The following RALGAPA2 variants were observed in gnomAD, a reference collection of about 807,000 sequenced individuals.
RALGAPA2 encodes the protein ral GTPase-activating protein subunit alpha-2.
Under a neutral mutation model 230.4 loss-of-function variants are expected in RALGAPA2, and 139 were observed. That is an observed-to-expected ratio of 0.60 (90% CI 0.53 to 0.69). RALGAPA2 has a LOEUF of 0.69. Ranked by LOEUF, RALGAPA2 falls within the 30% of genes least tolerant of loss-of-function variation. RALGAPA2 has a pLI of 0.00. For missense variants in RALGAPA2, 2,163 were observed against 2,276.0 expected, an observed-to-expected ratio of 0.95 and a Z score of 1.01; for synonymous variants, 847 against 837.8, an observed-to-expected ratio of 1.01 and a Z score of -0.19.
intron 23 of RALGAPA2, among the ~76,000 whole-genome samples, chr20:20,560,098 G>A (rs1020607111): frequency 1.3e-5 from 2 of 152,134 alleles, no homozygotes; most frequent in African/African-American, 4.8e-5. Context: ...GGAAGGGAAA[G>A]CTACTCATAG....
rs553024090 is a variant in RALGAPA2 at position 20,634,460 on chromosome 20, G to A, written c.1005+958C>T. On this transcript the variant is annotated intron_variant, in intron 9 of 39. Coordinates refer to ENST00000202677, the MANE Select transcript of RALGAPA2 (RefSeq NM_020343.4). Reference sequence around the variant, plus strand: ...TCTTACTGTAACTGCACCTCCCTCAGATCTTAAAAATAAGTTCTCCTCTAA... The same window carrying A: ...TCTTACTGTAACTGCACCTCCCTCAAATCTTAAAAATAAGTTCTCCTCTAA... Among the ~76,000 whole-genome samples the A allele has an allele frequency of 2.6e-5, 4 of 152,224 alleles. No homozygotes were observed. The South Asian group carries it at 8.3e-4, about 32-fold the overall frequency.
At chr20:20,422,969 G>A (rs1322751273) in intron 37 of RALGAPA2, among the ~76,000 whole-genome samples, 1 of 152,198 alleles carries the variant, frequency 6.6e-6, no homozygotes, top group African/African-American at 2.4e-5. Context: ...CCAGCCTGTG[G>A]CAACTTGGAA....
Position 20,547,447 on chromosome 20 carries a change from C to A in RALGAPA2, c.3157-615G>T, listed in dbSNP as rs116044965. 6.0e-3 allele frequency among the ~76,000 whole-genome samples: 914 copies of A among 152,288 alleles called. 9 individuals carry two copies. The highest frequency in any genetic ancestry group is 0.021 in the African/African-American group (860 of 41,564). On this transcript the variant is annotated intron_variant, in intron 23 of 39. Transcript: ENST00000202677. ...TTTGCACAGAGTGCAGTGTGAAGAGCATCATCTGCCCCAGACATCTTGTGT... is the reference window on the plus strand; with the variant it reads ...TTTGCACAGAGTGCAGTGTGAAGAGAATCATCTGCCCCAGACATCTTGTGT...
At chr20:20,536,291 T>C (rs1049765478) in intron 25 of RALGAPA2, among the ~76,000 whole-genome samples, 2 of 152,206 alleles carry the variant, frequency 1.3e-5, no homozygotes, top group Non-Finnish European at 1.5e-5. Context: ...AACAAGGGGA[T>C]TGAATATTTA....
At chr20:20,484,334 G>C (rs1265616474) in intron 36 of RALGAPA2, among the ~76,000 whole-genome samples, 1 of 152,056 alleles carries the variant, frequency 6.6e-6, no homozygotes, top group Non-Finnish European at 1.5e-5. Context: ...GTTCAGGGTG[G>C]GATGTGGGAA....
rs1334319863 is a variant in RALGAPA2 at position 20,608,041 on chromosome 20, C to G, written c.1801-2629G>C. On this transcript the variant is annotated intron_variant, in intron 14 of 39. Transcript: ENST00000202677. ...AGCCTGGACTACCCTGGTTTGTGAC[C>G]TAGGAAAGTCACTTGGCCTTTCTGT... is the stretch of plus-strand genomic sequence containing the variant. Among the ~76,000 whole-genome samples, 3 of 152,148 alleles carry G rather than the reference C, an allele frequency of 2.0e-5. No individual in the cohort carries two copies. The East Asian group carries it at 5.8e-4, about 29-fold the overall frequency.
chr20:20,689,263 T>C (rs1603246533), intron 1 of RALGAPA2, among the ~76,000 whole-genome samples: 1 of 152,362 alleles, frequency 6.6e-6, no homozygotes, highest in East Asian at 1.9e-4. Context: ...TCATATTTGT[T>C]TTACACACAC....
chr20:20,532,742 T>C (rs962771599), intron 26 of RALGAPA2, among the ~76,000 whole-genome samples: 11 of 152,076 alleles, frequency 7.2e-5, no homozygotes, highest in Non-Finnish European at 1.0e-4. Context: ...CAGGAAGTCA[T>C]AGAGAGAATA....
At chr20:20,679,047 C>T (rs2068433795) in intron 2 of RALGAPA2, among the ~76,000 whole-genome samples, 1 of 151,768 alleles carries the variant, frequency 6.6e-6, no homozygotes, top group Non-Finnish European at 1.5e-5. Context: ...AAGTTCTGAC[C>T]ATCACTCTCT....
intron 37 of RALGAPA2, among the ~76,000 whole-genome samples, chr20:20,461,323 C>T (rs1006747906): frequency 6.6e-6 from 1 of 152,154 alleles, no homozygotes; most frequent in Non-Finnish European, 1.5e-5. Flanking sequence ...TTAAAACTAA[C>T]TTACATTTTT....
chr20:20,464,185 G>A (rs977986670), intron 37 of RALGAPA2, among the ~76,000 whole-genome samples: 1 of 152,184 alleles, frequency 6.6e-6, no homozygotes, highest in Non-Finnish European at 1.5e-5. Context: ...CTCTCTGGCT[G>A]ATTACACTTC....
intron 10 of RALGAPA2, among the ~76,000 whole-genome samples, chr20:20,620,917 C>T (rs1251137821): frequency 6.6e-6 from 1 of 152,054 alleles, no homozygotes; most frequent in Non-Finnish European, 1.5e-5. Context: ...CCAAGGCAGG[C>T]GGATCATGAG....
chr20:20,662,685 AT>A (rs1393954376), intron 3 of RALGAPA2, among the ~76,000 whole-genome samples: 1 of 152,196 alleles, frequency 6.6e-6, no homozygotes. Context: ...TTAAGTGCCC[AT>A]TATGTGCGAG....
intron 23 of RALGAPA2, among the ~76,000 whole-genome samples, chr20:20,551,296 G>C (rs922121565): frequency 2.0e-5 from 3 of 152,148 alleles, no homozygotes; most frequent in Non-Finnish European, 2.9e-5. Flanking sequence ...AATAAAATGA[G>C]GTTTATTCTT....
intron 36 of RALGAPA2, among the ~76,000 whole-genome samples, chr20:20,479,800 G>A (rs960452012): frequency 1.3e-5 from 2 of 152,090 alleles, no homozygotes; most frequent in African/African-American, 2.4e-5. Flanking sequence ...CACAAATAGA[G>A]GACTATGAAT....
intron 37 of RALGAPA2, among the ~76,000 whole-genome samples, chr20:20,417,463 C>T (rs1055032043): frequency 1.1e-4 from 17 of 152,202 alleles, no homozygotes; most frequent in Admixed American, 9.8e-4. Flanking sequence ...GGCTACATGG[C>T]CTCTTCCTAT....
chr20:20,620,408 A>G, intron 11 of RALGAPA2, 55 bp downstream of exon 11: 1 of 1,560,030 alleles, frequency 6.4e-7, no homozygotes, highest in Non-Finnish European at 8.8e-7. Flanking sequence ...CTGAGCAAGT[A>G]TACTTTACTA....
intron 10 of RALGAPA2, among the ~76,000 whole-genome samples, chr20:20,624,059 G>A (rs1178148360): frequency 6.6e-6 from 1 of 152,164 alleles, no homozygotes; most frequent in Admixed American, 6.5e-5. Context: ...GGACGCGGTA[G>A]CTCAGGCCTG....
chr20:20,672,131 T>C (rs1469312112), intron 3 of RALGAPA2, among the ~76,000 whole-genome samples: 1 of 152,174 alleles, frequency 6.6e-6, no homozygotes, highest in Non-Finnish European at 1.5e-5. Flanking sequence ...TGAATTTCCA[T>C]TCATAAACCA....
Sources: gnomAD v4.1 joint callset for allele counts (sites outside exome capture counted in the v4.1 genomes callset) on GRCh38, gnomAD v4.1.1 for gene constraint, MANE v1.5 for transcripts, NCBI Gene and HGNC (gene_info 2026-07-23, HGNC 2026-07-21) for gene names.